Variants in SNTG1 observed in about 807,000 individuals in gnomAD.
The protein encoded by SNTG1 is syntrophin gamma 1.
Under a neutral mutation model 74.7 loss-of-function variants are expected in SNTG1, and 39 were observed. The observed-to-expected ratio is 0.52, with a 90% CI of 0.40 to 0.68. SNTG1 has a LOEUF of 0.68. Ranked by LOEUF, SNTG1 falls within the 30% of genes least tolerant of loss-of-function variation. The probability of loss-of-function intolerance (pLI) is 0.00; values close to 1 mark genes in which losing one functional copy is unlikely to be tolerated. For missense variants in SNTG1, 685 were observed against 609.5 expected, an observed-to-expected ratio of 1.12 and a Z score of -1.30; for synonymous variants, 254 against 217.1, an observed-to-expected ratio of 1.17 and a Z score of -1.49.
chr8:50,434,134 G>T (rs993412730), intron 4 of SNTG1, among the ~76,000 whole-genome samples: 1 of 148,140 alleles, frequency 6.8e-6, no homozygotes, highest in African/African-American at 2.5e-5. Context: ...GTGAGAACAT[G>T]CGGTGTTTGG....
chr8:50,099,777 T>C (rs1274265062), intron 1 of SNTG1, among the ~76,000 whole-genome samples: 1 of 152,164 alleles, frequency 6.6e-6, no homozygotes, highest in African/African-American at 2.4e-5. Flanking sequence ...TGGTTATTTG[T>C]AGCTTTTTTG....
chr8:50,143,904 T>C (rs895854752), intron 1 of SNTG1, among the ~76,000 whole-genome samples: 2 of 152,200 alleles, frequency 1.3e-5, no homozygotes, highest in African/African-American at 4.8e-5. Flanking sequence ...CCTTAATCAG[T>C]ATTAAAAATT....
At chr8:50,673,950 A>G (rs766696883) in intron 15 of SNTG1, among the ~76,000 whole-genome samples, 2 of 151,898 alleles carry the variant, frequency 1.3e-5, no homozygotes, top group East Asian at 3.9e-4. Context: ...GTTTTCTGTC[A>G]TTGGTTCTGT....
At chr8:49,936,268 A>G (rs1381043039) in intron 1 of SNTG1, among the ~76,000 whole-genome samples, 1 of 152,186 alleles carries the variant, frequency 6.6e-6, no homozygotes, top group Non-Finnish European at 1.5e-5. Context: ...TGATTTAGAT[A>G]CAAAGAACAT....
intron 18 of SNTG1, among the ~76,000 whole-genome samples, chr8:50,755,210 T>C (rs936479606): frequency 4.0e-5 from 6 of 151,850 alleles, no homozygotes; most frequent in African/African-American, 4.8e-5. Flanking sequence ...GCCATTATAG[T>C]ATCATAGTCG....
At chr8:49,963,344 A>G (rs560514320) in intron 1 of SNTG1, among the ~76,000 whole-genome samples, 1 of 152,268 alleles carries the variant, frequency 6.6e-6, no homozygotes, top group African/African-American at 2.4e-5. Context: ...CTTTTGGCAC[A>G]TTGCCCAACT....
At chr8:50,132,035 A>C (rs2081334917) in intron 1 of SNTG1, among the ~76,000 whole-genome samples, 1 of 151,780 alleles carries the variant, frequency 6.6e-6, no homozygotes, top group Non-Finnish European at 1.5e-5. Flanking sequence ...CCATCAGTCT[A>C]TTTTTCTGTT....
intron 1 of SNTG1, among the ~76,000 whole-genome samples, chr8:50,028,694 A>G (rs1043751315): frequency 2.6e-5 from 4 of 152,154 alleles, no homozygotes; most frequent in Admixed American, 2.0e-4. Context: ...TACATATGTA[A>G]TTAACCTGCA....
At chr8:50,783,410 C>G (rs1211218544) in intron 18 of SNTG1, among the ~76,000 whole-genome samples, 1 of 152,234 alleles carries the variant, frequency 6.6e-6, no homozygotes, top group Admixed American at 6.5e-5. Flanking sequence ...GGCAGGCGCC[C>G]CTCCCCCAGC....
chr8:50,497,459 G>A (rs1337638882), intron 8 of SNTG1, among the ~76,000 whole-genome samples: 1 of 151,552 alleles, frequency 6.6e-6, no homozygotes, highest in Non-Finnish European at 1.5e-5. Context: ...TAATTTATCA[G>A]AAATTCCCAA....
intron 1 of SNTG1, among the ~76,000 whole-genome samples, chr8:49,938,544 CTTCTTTTCTTTTGTT>C (rs1554524743): frequency 9.5e-6 from 1 of 105,086 alleles, no homozygotes; most frequent in African/African-American, 3.9e-5. Context: ...CTTACCATGC[CTTCTTTTCTTTTGTT>C]TTCTTTTCTT....
intron 2 of SNTG1, among the ~76,000 whole-genome samples, chr8:50,199,432 G>A (rs1259464064): frequency 6.6e-6 from 1 of 151,986 alleles, no homozygotes; most frequent in Non-Finnish European, 1.5e-5. Flanking sequence ...TGGCCAGGCT[G>A]GTCTCGAACT....
chr8:50,526,925 A>G (rs1446416134), intron 9 of SNTG1, among the ~76,000 whole-genome samples: 2 of 152,100 alleles, frequency 1.3e-5, no homozygotes, highest in African/African-American at 4.8e-5. Context: ...CCCGGCCCGA[A>G]GTCAGCATGT....
At chr8:50,287,183 A>G (rs557942690) in intron 2 of SNTG1, among the ~76,000 whole-genome samples, 2 of 152,118 alleles carry the variant, frequency 1.3e-5, no homozygotes, top group Non-Finnish European at 2.9e-5. Flanking sequence ...GTCCATCTGT[A>G]TGTTTTCAAC....
chr8:50,282,836 T>C (rs1344487056), intron 2 of SNTG1, among the ~76,000 whole-genome samples: 1 of 152,160 alleles, frequency 6.6e-6, no homozygotes, highest in Non-Finnish European at 1.5e-5. Flanking sequence ...TGTACATTCC[T>C]AGTATGACAT....
chr8:50,296,445 G>A (rs191702249), intron 2 of SNTG1, among the ~76,000 whole-genome samples: 1 of 152,274 alleles, frequency 6.6e-6, no homozygotes, highest in East Asian at 1.9e-4. Flanking sequence ...AAGAAAGAAT[G>A]AGTTCATGTC....
chr8:50,554,402 G>A (rs2094443989), intron 12 of SNTG1, among the ~76,000 whole-genome samples: 2 of 151,866 alleles, frequency 1.3e-5, no homozygotes, highest in South Asian at 2.1e-4. Context: ...TCAAAACTCT[G>A]TGTCACGCTG....
intron 1 of SNTG1, among the ~76,000 whole-genome samples, chr8:49,952,474 CCTGT>C (rs1388783820): frequency 6.6e-6 from 1 of 152,094 alleles, no homozygotes; most frequent in African/African-American, 2.4e-5. Context: ...AAGATCTTGG[CCTGT>C]CTGACAAATT....
intron 17 of SNTG1, among the ~76,000 whole-genome samples, chr8:50,750,114 AG>A (rs2095564003): frequency 8.5e-5 from 13 of 152,196 alleles, no homozygotes; most frequent in Admixed American, 8.5e-4. Context: ...CAATATAAAT[AG>A]GGATTTGGAA....
Sources: gnomAD v4.1 joint callset for allele counts (sites outside exome capture counted in the v4.1 genomes callset) on GRCh38, gnomAD v4.1.1 for gene constraint, MANE v1.5 for transcripts, NCBI Gene and HGNC (gene_info 2026-07-23, HGNC 2026-07-21) for gene names.